DNAJA3: variants seen among roughly 807,000 people sequenced by gnomAD.
DNAJA3 encodes the protein dnaJ homolog subfamily A member 3, mitochondrial.
DNAJA3 carries 29 observed loss-of-function variants against 54.9 expected under a neutral mutation model. The ratio of observed to expected loss-of-function variants is 0.53; its 90% CI spans 0.39 to 0.72. The LOEUF (loss-of-function observed/expected upper bound fraction) is 0.72, where lower values mean the gene tolerates loss of function less well. Ranked by LOEUF, DNAJA3 falls within the 30% of genes least tolerant of loss-of-function variation. The probability of loss-of-function intolerance (pLI) is 0.00; values close to 1 mark genes in which losing one functional copy is unlikely to be tolerated. For missense variants in DNAJA3, 708 were observed against 639.4 expected, an observed-to-expected ratio of 1.11 and a Z score of -1.16; for synonymous variants, 302 against 251.4, an observed-to-expected ratio of 1.20 and a Z score of -1.90.
chr16:4,451,047 A>G (rs1021242380), intron 10 of DNAJA3, among the ~76,000 whole-genome samples: 1 of 152,162 alleles, frequency 6.6e-6, no homozygotes, highest in Non-Finnish European at 1.5e-5. Flanking sequence ...CTGAGCTCAG[A>G]CATCGTGCTA....
At chr16:4,449,367 G>T (rs1203333296) in intron 9 of DNAJA3, among the ~76,000 whole-genome samples, 1 of 151,850 alleles carries the variant, frequency 6.6e-6, no homozygotes, top group Non-Finnish European at 1.5e-5. Flanking sequence ...TGCTGCTGCT[G>T]CTATTGTTGA....
At position 4,456,503 on chromosome 16, in the gene DNAJA3, G is replaced by A. The variant is rs2057037605; in HGVS notation, c.*971G>A. ...GTTGATTCAGAAAAGGAAAGCACAG[G>A]CTAAGCAGTTGAAGGTTCCCCACCA... On this transcript the variant is annotated 3_prime_UTR_variant, in exon 12 of 12. Coordinates refer to ENST00000262375, the MANE Select transcript of DNAJA3 (RefSeq NM_005147.6). 6.6e-6 allele frequency: 1 copy of A among 152,636 alleles called. No individual in the cohort carries two copies. The highest frequency in any genetic ancestry group is 1.5e-5 in the Non-Finnish European group (1 of 68,046). The allele number at this position is 152,636 out of a possible 1,614,324, so 9.5% of individuals were successfully genotyped here. A position where few individuals can be genotyped will look rare whatever the true frequency, so the allele number is the denominator to read the frequency against.
At chr16:4,448,277 A>T (rs977280141) in intron 8 of DNAJA3, among the ~76,000 whole-genome samples, 11 of 141,614 alleles carry the variant, frequency 7.8e-5, no homozygotes, top group Non-Finnish European at 1.5e-5. Context: ...TGCCTGCCTC[A>T]GCCCCCCAAA....
Position 4,444,729 on chromosome 16 carries a change from G to A in DNAJA3, c.996+1G>A. 6.2e-7 allele frequency: 1 copy of A among 1,614,014 alleles called. No individual in the cohort carries two copies. Among genetic ancestry groups the A allele is most frequent in the Non-Finnish European group, 8.5e-7 (1 of 1,179,932 alleles). Reference sequence around the variant, plus strand: ...AAGGGAAATTTTCATTACGTTCAGGGTAGGTGCCCTGCCCCGCACAGCTTC... The same window carrying A: ...AAGGGAAATTTTCATTACGTTCAGGATAGGTGCCCTGCCCCGCACAGCTTC... On this transcript the variant is annotated splice_donor_variant, in intron 7 of 11. Transcript: ENST00000262375. LOFTEE classifies it high-confidence loss of function.
intron 2 of DNAJA3, 99 bp downstream of exon 2, chr16:4,434,616 G>T: frequency 7.4e-7 from 1 of 1,356,296 alleles, no homozygotes; most frequent in African/African-American, 1.5e-5. Flanking sequence ...CATATGAATA[G>T]GTCTCATGAG....
intron 4 of DNAJA3, 35 bp from the exon 5 acceptor site, chr16:4,442,233 A>T: frequency 2.6e-6 from 4 of 1,534,864 alleles, no homozygotes; most frequent in Non-Finnish European, 3.5e-6. Context: ...GTCGTTGCAA[A>T]CAAAAGTTGA....
At chr16:4,447,095 C>T in intron 8 of DNAJA3, 81 bp downstream of exon 8, 1 of 1,526,612 alleles carries the variant, frequency 6.6e-7, no homozygotes, top group Non-Finnish European at 8.8e-7. Flanking sequence ...GACCAGTGGC[C>T]TGGAACCCAT....
chr16:4,432,913 A>T (rs1414491999), intron 1 of DNAJA3, among the ~76,000 whole-genome samples: 1 of 151,966 alleles, frequency 6.6e-6, no homozygotes, highest in Non-Finnish European at 1.5e-5. Flanking sequence ...AGGTCGAGGC[A>T]GGCGGATCAT....
Position 4,456,639 on chromosome 16 carries a change from C to A in DNAJA3, c.*1107C>A, listed in dbSNP as rs1032398399. On this transcript the variant is annotated 3_prime_UTR_variant, in exon 12 of 12. Coordinates refer to ENST00000262375, the MANE Select transcript of DNAJA3 (RefSeq NM_005147.6). The stretch of plus-strand genomic sequence containing the variant: ...TTAGACAGGTTAATGAAGAACACTT[C>A]TCAACAGTTTCCTTTTTGTTTTCCT... 6.6e-6 allele frequency: 1 copy of A among 152,646 alleles called. No individual in the cohort carries two copies. Among genetic ancestry groups the A allele is most frequent in the East Asian group, 1.9e-4 (1 of 5,196 alleles). 9.5% of individuals were successfully genotyped at this position (152,646 alleles called of 1,614,324 possible). A position where few individuals can be genotyped will look rare whatever the true frequency, so the allele number is the denominator to read the frequency against.
At chr16:4,447,134 CAG>C in intron 8 of DNAJA3, 120 bp downstream of exon 8, 2 of 1,205,970 alleles carry the variant, frequency 1.7e-6, no homozygotes, top group Non-Finnish European at 2.3e-6. Flanking sequence ...GGGGCACTCA[CAG>C]GGGAGGACAT....
At chr16:4,436,660 C>G (rs943148237) in intron 2 of DNAJA3, among the ~76,000 whole-genome samples, 1 of 151,636 alleles carries the variant, frequency 6.6e-6, no homozygotes, top group Non-Finnish European at 1.5e-5. Context: ...CTCAGCCTCC[C>G]GAGTACCTGT....
At chr16:4,455,525 C>G (rs1249992963) in intron 11 of DNAJA3, 21 bp from the exon 12 acceptor site, 2 of 1,551,686 alleles carry the variant, frequency 1.3e-6, no homozygotes, top group South Asian at 1.2e-5. Flanking sequence ...TATAAGGTAA[C>G]AGCCTATCTC....
chr16:4,456,493 G>T lies in DNAJA3; in HGVS notation c.*961G>T, dbSNP rs1347658965. Reference sequence around the variant, plus strand: ...CTTTGTAAATGTTGATTCAGAAAAGGAAAGCACAGGCTAAGCAGTTGAAGG... The same window carrying T: ...CTTTGTAAATGTTGATTCAGAAAAGTAAAGCACAGGCTAAGCAGTTGAAGG... On this transcript the variant is annotated 3_prime_UTR_variant, in exon 12 of 12. Transcript: ENST00000262375. 6.6e-6 allele frequency: 1 copy of T among 152,660 alleles called. No homozygotes were observed. Among genetic ancestry groups the T allele is most frequent in the Non-Finnish European group, 1.5e-5 (1 of 68,046 alleles). The allele number at this position is 152,660 out of a possible 1,614,324, so 9.5% of individuals were successfully genotyped here.
At chr16:4,432,832 G>A (rs759216024) in intron 1 of DNAJA3, among the ~76,000 whole-genome samples, 51 of 150,908 alleles carry the variant, frequency 3.4e-4, no homozygotes, top group African/African-American at 1.1e-3. Flanking sequence ...GCGAAACTCC[G>A]TCTCAAAAAA....
At chr16:4,446,817 C>A in intron 7 of DNAJA3, 69 bp from the exon 8 acceptor site, 1 of 1,586,976 alleles carries the variant, frequency 6.3e-7, no homozygotes, top group Non-Finnish European at 8.6e-7. Context: ...TGGGCCTGGC[C>A]AGGCATGCAG....
chr16:4,453,897 C>T (rs1285173107), intron 10 of DNAJA3, among the ~76,000 whole-genome samples: 5 of 152,154 alleles, frequency 3.3e-5, no homozygotes, highest in African/African-American at 1.2e-4. Flanking sequence ...GGTCTCTGAG[C>T]ACATTAAAAA....
chr16:4,443,380 T>A, intron 6 of DNAJA3, among the ~76,000 whole-genome samples: 1 of 152,058 alleles, frequency 6.6e-6, no homozygotes, highest in South Asian at 2.1e-4. Context: ...TCCTTAAAAT[T>A]TACACTTTGC....
At chr16:4,430,015 G>A (rs1444780561) in intron 1 of DNAJA3, among the ~76,000 whole-genome samples, 1 of 151,238 alleles carries the variant, frequency 6.6e-6, no homozygotes, top group Non-Finnish European at 1.5e-5. Flanking sequence ...AATTAATAAA[G>A]TCATCAACTG....
Position 4,443,110 on chromosome 16 carries a change from A to C in DNAJA3, c.877A>C (p.Arg293=). The C allele has an allele frequency of 5.6e-6, 9 of 1,613,994 alleles. No individual in the cohort carries two copies. Among genetic ancestry groups the C allele is most frequent in the Non-Finnish European group, 7.6e-6 (9 of 1,179,998 alleles). ...SIIISPCVVC[R]GAGQAKQKKR... ...CATCATATCGCCCTGTGTGGTCTGCAGGGGAGCAGGACAAGCCAAGCAGAA... is the reference window on the plus strand; with the variant it reads ...CATCATATCGCCCTGTGTGGTCTGCCGGGGAGCAGGACAAGCCAAGCAGAA... The change falls in exon 6 of 12, where the codon AGG becomes CGG. Residue 293 remains arginine, a synonymous_variant. Transcript: ENST00000262375.
Sources: gnomAD v4.1 joint callset for allele counts (sites outside exome capture counted in the v4.1 genomes callset) on GRCh38, gnomAD v4.1.1 for gene constraint, MANE v1.5 for transcripts, NCBI Gene and HGNC (gene_info 2026-07-23, HGNC 2026-07-21) for gene names.